Variants in AGAP1 observed in about 807,000 individuals in gnomAD.
AGAP1 encodes ArfGAP with GTPase domain, ankyrin repeat and PH domain 1.
AGAP1 carries 29 observed loss-of-function variants against 105.3 expected under a neutral mutation model. The ratio of observed to expected loss-of-function variants is 0.28; its 90% CI spans 0.21 to 0.38. AGAP1 has a LOEUF of 0.38. AGAP1 is among the 10% of genes least tolerant of loss of function. AGAP1 has a pLI of 1.00. For missense variants in AGAP1, 998 were observed against 1,165.1 expected (o/e 0.86, Z 2.09); for synonymous variants, 509 against 485.9 (o/e 1.05, Z -0.63).
chr2:235,704,398 C>T (rs1457390793), intron 1 of AGAP1, among the ~76,000 whole-genome samples: 1 of 149,104 alleles, frequency 6.7e-6, no homozygotes, highest in East Asian at 1.9e-4. Context: ...CCTATATTCC[C>T]AGCACTTGGG....
chr2:235,500,074 G>T (rs185495022), intron 1 of AGAP1, among the ~76,000 whole-genome samples: 1 of 152,256 alleles, frequency 6.6e-6, no homozygotes, highest in East Asian at 1.9e-4. Flanking sequence ...GTGGTGTTTG[G>T]GATGGAAGTG....
At chr2:236,010,356 GTC>G (rs2056468725) in intron 13 of AGAP1, among the ~76,000 whole-genome samples, 1 of 152,176 alleles carries the variant, frequency 6.6e-6, no homozygotes, top group South Asian at 2.1e-4. Context: ...GATCGTGACT[GTC>G]TGTTAGTAAT....
At chr2:235,807,004 A>C (rs933067920) in intron 8 of AGAP1, among the ~76,000 whole-genome samples, 1 of 152,218 alleles carries the variant, frequency 6.6e-6, no homozygotes, top group Non-Finnish European at 1.5e-5. Context: ...AAAAGAATTA[A>C]AAGATAATTC....
rs1246150839 is a variant in AGAP1, at chr2:235,535,855, G to T, written c.163+41006G>T. 6.6e-6 allele frequency among the ~76,000 whole-genome samples: 1 copy of T among 151,962 alleles called. No homozygotes were observed. Among genetic ancestry groups the T allele is most frequent in the Non-Finnish European group, 1.5e-5 (1 of 68,020 alleles). ...TCTGGGAGTGGCAGACACACATTAG[G>T]AGTCCACGCGCAGGTAGCCTGGCCT... On this transcript the variant is annotated intron_variant, in intron 1 of 17. Transcript: ENST00000304032. This position sits in a 1 kb window ranked among gnomAD's most constrained non-coding sequence, Gnocchi z 5.1.
At chr2:236,039,129 A>T (rs1295802187) in intron 14 of AGAP1, among the ~76,000 whole-genome samples, 1 of 152,184 alleles carries the variant, frequency 6.6e-6, no homozygotes, top group Non-Finnish European at 1.5e-5. Flanking sequence ...TTAAATGCAT[A>T]CTTAATAAAT....
intron 9 of AGAP1, among the ~76,000 whole-genome samples, chr2:235,876,817 G>C (rs1045277088): frequency 1.5e-4 from 23 of 150,154 alleles, no homozygotes; most frequent in Admixed American, 4.0e-4. Context: ...TTCTAGACCA[G>C]TCTTTCCCAC....
rs1010261839 is a variant in AGAP1, at chr2:235,883,625, T to C, written c.1155+176T>C. Among the ~76,000 whole-genome samples the C allele has an allele frequency of 6.6e-6, 1 of 152,202 alleles. No homozygotes were observed. Among genetic ancestry groups the C allele is most frequent in the Admixed American group, 6.5e-5 (1 of 15,280 alleles). The stretch of plus-strand genomic sequence containing the variant: ...GTTCCTCACACTCCACTAGACCATA[T>C]GTCTTTCTCTCTCTTCCCCTCCCTA... On this transcript the variant is annotated intron_variant, in intron 10 of 17. Transcript: ENST00000304032. The surrounding 1 kb of genome is among the most constrained non-coding windows in gnomAD (Gnocchi z 4.5).
At chr2:235,562,665 C>T (rs73996166) in intron 1 of AGAP1, among the ~76,000 whole-genome samples, 144 of 152,316 alleles carry the variant, frequency 9.5e-4, no homozygotes, top group African/African-American at 2.5e-3. Context: ...AAGAGCAGGG[C>T]CCCTGGAGCC....
Position 236,046,101 on chromosome 2 carries a change from C to A in AGAP1, c.1892-2958C>A. The A allele has an allele frequency of 2.2e-6, 1 of 453,706 alleles. No homozygotes were observed. Among genetic ancestry groups the A allele is most frequent in the Non-Finnish European group, 4.7e-6 (1 of 214,456 alleles). The allele number at this position is 453,706 out of a possible 1,614,324, so 28.1% of individuals were successfully genotyped here. A position where few individuals can be genotyped will look rare whatever the true frequency, so the allele number is the denominator to read the frequency against. On this transcript the variant is annotated intron_variant, in intron 15 of 17. Coordinates refer to ENST00000304032, the MANE Select transcript of AGAP1 (RefSeq NM_001037131.3). The surrounding 1 kb of genome is among the most constrained non-coding windows in gnomAD (Gnocchi z 5.2). ...TGGCTTCTGTATCTGCAACCCACAG[C>A]GGCATGGAGGGCGGTGGGGTGGGCA...
chr2:235,504,676 G>C (rs1365528284), intron 1 of AGAP1, among the ~76,000 whole-genome samples: 1 of 152,242 alleles, frequency 6.6e-6, no homozygotes, highest in East Asian at 1.9e-4. Flanking sequence ...GTAGCTGCTC[G>C]TGAAGCCGCT....
At chr2:235,850,427 C>A (rs1201740583) in intron 9 of AGAP1, among the ~76,000 whole-genome samples, 1 of 152,176 alleles carries the variant, frequency 6.6e-6, no homozygotes, top group Non-Finnish European at 1.5e-5. Flanking sequence ...TCTCCTTGGT[C>A]CCCTTGGTCC....
At chr2:235,868,704 T>G (rs1433499146) in intron 9 of AGAP1, among the ~76,000 whole-genome samples, 1 of 152,220 alleles carries the variant, frequency 6.6e-6, no homozygotes, top group Admixed American at 6.5e-5. Context: ...TATAAATTTA[T>G]GAGTGGTGTT....
chr2:235,561,939 A>G (rs1944166882), intron 1 of AGAP1, among the ~76,000 whole-genome samples: 1 of 152,194 alleles, frequency 6.6e-6, no homozygotes, highest in African/African-American at 2.4e-5. Context: ...ACTTAGATTT[A>G]TGGCTTTTCC....
At chr2:235,923,899 C>T (rs532517916) in intron 11 of AGAP1, among the ~76,000 whole-genome samples, 3 of 152,276 alleles carry the variant, frequency 2.0e-5, no homozygotes, top group Admixed American at 6.5e-5. Context: ...AAGAAGTGGA[C>T]TTGAAATGTT....
At chr2:235,616,880 A>G (rs1946323453) in intron 1 of AGAP1, among the ~76,000 whole-genome samples, 2 of 152,290 alleles carry the variant, frequency 1.3e-5, no homozygotes, top group East Asian at 3.9e-4. Flanking sequence ...GGAGGGGTGT[A>G]TCTTGTAATT....
chr2:235,542,616 ACATATTT>A (rs1328538435), intron 1 of AGAP1, among the ~76,000 whole-genome samples: 1 of 151,318 alleles, frequency 6.6e-6, no homozygotes, highest in Non-Finnish European at 1.5e-5. Context: ...ACAAAATGAT[ACATATTT>A]TACATGTACA....
intron 9 of AGAP1, among the ~76,000 whole-genome samples, chr2:235,844,396 G>C (rs995678952): frequency 6.6e-6 from 1 of 152,178 alleles, no homozygotes; most frequent in Non-Finnish European, 1.5e-5. Context: ...TCGTGTTCCC[G>C]GATGGTCCTG....
Position 235,590,705 on chromosome 2 carries a change from G to T in AGAP1, c.163+95856G>T, listed in dbSNP as rs866525547. Among the ~76,000 whole-genome samples the T allele has an allele frequency of 3.2e-3, 349 of 109,230 alleles. 6 individuals carry two copies. Among genetic ancestry groups the T allele is most frequent in the African/African-American group, 0.011 (327 of 29,178 alleles). The allele number at this position is 109,230 out of a possible 152,430, so 71.7% of individuals were successfully genotyped here. On this transcript the variant is annotated intron_variant, in intron 1 of 17. Transcript: ENST00000304032. Reference sequence around the variant, plus strand: ...TGTGTGCGTGTGCGTGTGTGTGTGTGTGTGTGTGCATTTTTTTTTTTTTTT... The same window carrying T: ...TGTGTGCGTGTGCGTGTGTGTGTGTTTGTGTGTGCATTTTTTTTTTTTTTT...
At position 235,751,512 on chromosome 2, in the gene AGAP1, C is replaced by T. The variant is rs954830416; in HGVS notation, c.673+1024C>T. On this transcript the variant is annotated intron_variant, in intron 6 of 17. Transcript: ENST00000304032. The surrounding 1 kb of genome is among the most constrained non-coding windows in gnomAD (Gnocchi z 5.3). Reference sequence around the variant, plus strand: ...GCCGCGCTCTGACCTTGAAGACCCACGGTGAAAGCAGTGGCTGCAGGACTG... The same window carrying T: ...GCCGCGCTCTGACCTTGAAGACCCATGGTGAAAGCAGTGGCTGCAGGACTG... Among the ~76,000 whole-genome samples, 5 of 152,192 alleles carry T rather than the reference C, an allele frequency of 3.3e-5. No individual in the cohort carries two copies. Among genetic ancestry groups the T allele is most frequent in the African/African-American group, 7.2e-5 (3 of 41,442 alleles).
Sources: gnomAD v4.1 joint callset for allele counts (sites outside exome capture counted in the v4.1 genomes callset) on GRCh38, gnomAD v4.1.1 for gene constraint, Gnocchi (gnomAD v3.1) non-coding constraint, MANE v1.5 for transcripts, NCBI Gene and HGNC (gene_info 2026-07-23, HGNC 2026-07-21) for gene names.